The following GRAP2 variants were observed in gnomAD, a reference collection of about 807,000 sequenced individuals.
GRAP2 encodes GRB2-related adapter protein 2.
GRAP2 carries 31 observed loss-of-function variants against 43.5 expected under a neutral mutation model. That is an observed-to-expected ratio of 0.71 (90% CI 0.54 to 0.96). The LOEUF (loss-of-function observed/expected upper bound fraction) is 0.96, where lower values mean the gene tolerates loss of function less well. Among genes scored for constraint, GRAP2 ranks in the 40% least tolerant of loss-of-function variants. The pLI is 0.00. For synonymous variants in GRAP2, 156 were observed against 164.8 expected, an observed-to-expected ratio of 0.95 and a Z score of 0.41; for missense variants, 371 against 424.4, an observed-to-expected ratio of 0.87 and a Z score of 1.11.
intron 6 of GRAP2, 95 bp downstream of exon 6, chr22:39,968,367 C>A (rs184439792): frequency 6.9e-7 from 1 of 1,442,228 alleles, no homozygotes; most frequent in Non-Finnish European, 9.5e-7. Flanking sequence ...TCAGAGAGTT[C>A]ATGATGAAGA....
chr22:39,923,869 A>G (rs2066675054), intron 1 of GRAP2, among the ~76,000 whole-genome samples: 1 of 152,236 alleles, frequency 6.6e-6, no homozygotes, highest in Non-Finnish European at 1.5e-5. Flanking sequence ...GCACAGTTGT[A>G]CATATTGGCA....
At chr22:39,897,515 C>CTTT (rs368180670), upstream of GRAP2, among the ~76,000 whole-genome samples, 45 of 127,638 alleles carry the variant, frequency 3.5e-4, no homozygotes, top group South Asian at 3.1e-3. Context: ...AAAGTAGCCT[C>CTTT]TTTTTTTTTT....
At chr22:39,929,957 C>G (rs1188695964) in intron 1 of GRAP2, among the ~76,000 whole-genome samples, 1 of 152,158 alleles carries the variant, frequency 6.6e-6, no homozygotes, top group Non-Finnish European at 1.5e-5. Context: ...GTCCCAAGTA[C>G]TTCAATGTGG....
At chr22:39,964,337 G>A (rs1204189544) in intron 4 of GRAP2, 7 of 701,496 alleles carry the variant, frequency 1.0e-5, no homozygotes, top group Non-Finnish European at 1.5e-5. Flanking sequence ...AGAAGTTATC[G>A]TCCAGTGGCA....
At chr22:39,935,124 T>G (rs2066793208) in intron 1 of GRAP2, among the ~76,000 whole-genome samples, 1 of 152,238 alleles carries the variant, frequency 6.6e-6, no homozygotes, top group Admixed American at 6.5e-5. Context: ...TCAAGGACTC[T>G]GGGGTTATTT....
chr22:39,900,464 T>C (rs896043270), upstream of GRAP2, among the ~76,000 whole-genome samples: 3 of 152,116 alleles, frequency 2.0e-5, no homozygotes, highest in African/African-American at 7.2e-5. Context: ...CAAGTTGCAG[T>C]TGATATAGGG....
At chr22:39,899,250 C>T (rs913560294), upstream of GRAP2, among the ~76,000 whole-genome samples, 1 of 152,220 alleles carries the variant, frequency 6.6e-6, no homozygotes, top group African/African-American at 2.4e-5. Flanking sequence ...TTATATTCTG[C>T]TCCCTGGGGA....
chr22:39,971,395 G>A lies in GRAP2; in HGVS notation c.*311G>A, dbSNP rs1569220676. 2.9e-6 allele frequency: 1 copy of A among 344,158 alleles called. No individual in the cohort carries two copies. The highest frequency in any genetic ancestry group is 5.2e-6 in the Non-Finnish European group (1 of 191,360). 21.3% of individuals were successfully genotyped at this position (344,158 alleles called of 1,614,324 possible). A position where few individuals can be genotyped will look rare whatever the true frequency, so the allele number is the denominator to read the frequency against. On this transcript the variant is annotated 3_prime_UTR_variant, in exon 8 of 8. Coordinates refer to ENST00000344138, the MANE Select transcript of GRAP2 (RefSeq NM_004810.4). The stretch of plus-strand genomic sequence containing the variant: ...TTTGTCCTGGCCTTCAGCTGTCACT[G>A]CTTCCTCCTTGTCTTGGGAATTTTC...
intron 1 of GRAP2, chr22:39,926,654 G>A: frequency 1.0e-6 from 1 of 985,226 alleles, no homozygotes; most frequent in Non-Finnish European, 1.2e-6. Context: ...TCAATCGCTG[G>A]CTCTCAGGAG....
intron 1 of GRAP2, among the ~76,000 whole-genome samples, chr22:39,926,342 T>A (rs1173545723): frequency 6.6e-6 from 1 of 152,066 alleles, no homozygotes; most frequent in Admixed American, 6.5e-5. Flanking sequence ...ATGTGAAGTG[T>A]TAACATGCAC....
Position 39,970,942 on chromosome 22 carries a change from C to T in GRAP2, c.851C>T (p.Ala284Val). The stretch of plus-strand genomic sequence containing the variant: ...GCCCGGGCGCTGTATGACTTTGAGG[C>T]CCTGGAGGATGACGAGCTGGGGTTC... Reference protein sequence around the residue: ...RWARALYDFEALEDDELGFHS... With the variant: ...RWARALYDFEVLEDDELGFHS... Residue 284 changes from alanine (A) to valine (V), a missense_variant, in exon 8 of 8, where the codon GCC becomes GTC. Coordinates refer to ENST00000344138, the MANE Select transcript of GRAP2 (RefSeq NM_004810.4). The T allele has an allele frequency of 6.2e-7, 1 of 1,613,080 alleles. No individual in the cohort carries two copies. The highest frequency in any genetic ancestry group is 8.5e-7 in the Non-Finnish European group (1 of 1,179,670).
upstream of GRAP2, among the ~76,000 whole-genome samples, chr22:39,899,823 A>T (rs1448661701): frequency 2.0e-5 from 3 of 152,078 alleles, no homozygotes; most frequent in African/African-American, 7.2e-5. Context: ...TCTCTACTAA[A>T]AATACAAAAA....
At chr22:39,940,546 C>T (rs2145624069) in intron 1 of GRAP2, among the ~76,000 whole-genome samples, 1 of 152,176 alleles carries the variant, frequency 6.6e-6, no homozygotes, top group Admixed American at 6.5e-5. Context: ...TCTCAGTTTC[C>T]TGTTCCTATG....
chr22:39,903,439 A>C (rs1170798993), intron 1 of GRAP2, among the ~76,000 whole-genome samples: 2 of 151,744 alleles, frequency 1.3e-5, no homozygotes, highest in African/African-American at 4.8e-5. Flanking sequence ...CTCCAAAAAT[A>C]AATAATAATA....
intron 1 of GRAP2, 169 bp from the exon 2 acceptor site, chr22:39,946,924 G>A (rs2066928199): frequency 1.4e-5 from 8 of 576,122 alleles, no homozygotes; most frequent in Admixed American, 3.0e-5. Context: ...GATTCCGGCA[G>A]CTCTTCCTGC....
At chr22:39,901,469 G>A in intron 1 of GRAP2, 139 bp downstream of exon 1, 1 of 375,764 alleles carries the variant, frequency 2.7e-6, no homozygotes. Context: ...ATCAGCTAAG[G>A]TCTCTAAACC....
intron 3 of GRAP2, among the ~76,000 whole-genome samples, chr22:39,959,336 C>G (rs531056608): frequency 6.6e-6 from 1 of 152,362 alleles, no homozygotes; most frequent in East Asian, 1.9e-4. Context: ...CCTGTTTCTT[C>G]TTTTCCACAG....
At chr22:39,912,873 T>G (rs762122361) in intron 1 of GRAP2, among the ~76,000 whole-genome samples, 1 of 151,822 alleles carries the variant, frequency 6.6e-6, no homozygotes, top group Non-Finnish European at 1.5e-5. Context: ...TGGTACTCCG[T>G]GCACAAAGGC....
intron 1 of GRAP2, among the ~76,000 whole-genome samples, chr22:39,919,795 A>G (rs114329206): frequency 1.8e-4 from 28 of 152,362 alleles, no homozygotes; most frequent in African/African-American, 6.7e-4. Flanking sequence ...TCCCATAAAT[A>G]TGAAGTTGTG....
Sources: gnomAD v4.1 joint callset for allele counts (sites outside exome capture counted in the v4.1 genomes callset) on GRCh38, gnomAD v4.1.1 for gene constraint, MANE v1.5 for transcripts, NCBI Gene and HGNC (gene_info 2026-07-23, HGNC 2026-07-21) for gene names.